RANBP2: variants seen among roughly 807,000 people sequenced by gnomAD.
The protein encoded by RANBP2 is RAN binding protein 2, also known as E3 SUMO-protein ligase RanBP2.
Under a neutral mutation model 303.6 loss-of-function variants are expected in RANBP2, and 57 were observed. The observed-to-expected ratio is 0.19, with a 90% confidence interval of 0.15 to 0.23. The LOEUF is 0.23. RANBP2 is among the 10% of genes least tolerant of loss of function. The pLI, the probability that RANBP2 is intolerant of heterozygous loss-of-function variation, is 1.00. For missense variants in RANBP2, 3,138 were observed against 3,780.8 expected (o/e 0.83, Z 4.46); for synonymous variants, 1,167 against 1,301.5 (o/e 0.90, Z 2.23).
chr2:109,056,331 T>C, the RANBP2 span, among the ~76,000 whole-genome samples: 2 of 152,122 alleles, frequency 1.3e-5, no homozygotes, highest in African/African-American at 2.4e-5. Flanking sequence ...CATGCCTCAC[T>C]AACTTTTGAA....
At chr2:109,606,671 GCTTTT>G in the RANBP2 span, among the ~76,000 whole-genome samples, 2 of 95,228 alleles carry the variant, frequency 2.1e-5, no homozygotes, top group African/African-American at 4.1e-5. Context: ...AAAATTTTAA[GCTTTT>G]TTTTTTTTTT....
the RANBP2 span, among the ~76,000 whole-genome samples, chr2:109,107,349 G>T: frequency 6.6e-6 from 1 of 152,114 alleles, no homozygotes; most frequent in Non-Finnish European, 1.5e-5. Flanking sequence ...TGAAACTGAG[G>T]AGAGTTGACA....
At chr2:109,278,732 C>T in the RANBP2 span, among the ~76,000 whole-genome samples, 1 of 152,318 alleles carries the variant, frequency 6.6e-6, no homozygotes, top group Non-Finnish European at 1.5e-5. Context: ...TGGTGAAAGG[C>T]AAGTCCCTAG....
the RANBP2 span, among the ~76,000 whole-genome samples, chr2:108,893,450 C>T: frequency 6.6e-6 from 1 of 152,206 alleles, no homozygotes; most frequent in African/African-American, 2.4e-5. Context: ...AATGTGAGAC[C>T]AGACCAGCCA....
the RANBP2 span, among the ~76,000 whole-genome samples, chr2:109,567,480 G>T: frequency 6.6e-6 from 1 of 152,154 alleles, no homozygotes; most frequent in African/African-American, 2.4e-5. Flanking sequence ...AGGCTGTAAA[G>T]TCTTCTCATG....
chr2:108,945,216 G>T, the RANBP2 span, among the ~76,000 whole-genome samples: 3 of 152,236 alleles, frequency 2.0e-5, no homozygotes, highest in East Asian at 5.8e-4. Context: ...TCCCCGTCCT[G>T]GGGCACTGTA....
chr2:109,153,828 A>G, the RANBP2 span, among the ~76,000 whole-genome samples: 1 of 152,178 alleles, frequency 6.6e-6, no homozygotes, highest in East Asian at 1.9e-4. Context: ...TTTCCTGCAG[A>G]CCTGCTTCCT....
At chr2:108,994,968 T>C in the RANBP2 span, among the ~76,000 whole-genome samples, 3 of 151,512 alleles carry the variant, frequency 2.0e-5, no homozygotes, top group African/African-American at 7.3e-5. Context: ...TAGCAGGGAC[T>C]ACAGGCGCCC....
chr2:109,095,762 C>T, the RANBP2 span, among the ~76,000 whole-genome samples: 1,203 of 152,196 alleles, frequency 7.9e-3, 11 homozygotes, highest in East Asian at 0.037. Context: ...TATGGTCACA[C>T]TAATTGAAAC....
chr2:108,804,174 T>C, the RANBP2 span, among the ~76,000 whole-genome samples: 1 of 152,166 alleles, frequency 6.6e-6, no homozygotes, highest in Admixed American at 6.5e-5. Flanking sequence ...AGGGAATTAA[T>C]TCAATTTTTT....
At chr2:109,039,312 G>A in the RANBP2 span, among the ~76,000 whole-genome samples, 1 of 152,048 alleles carries the variant, frequency 6.6e-6, no homozygotes, top group Non-Finnish European at 1.5e-5. Context: ...CATCCTATTG[G>A]TTCTGTTTCT....
chr2:109,042,833 G>C, the RANBP2 span, among the ~76,000 whole-genome samples: 1 of 151,918 alleles, frequency 6.6e-6, no homozygotes, highest in Non-Finnish European at 1.5e-5. Context: ...ACTATCCAAT[G>C]GTCTTATTCT....
At chr2:109,636,202 C>A in the RANBP2 span, among the ~76,000 whole-genome samples, 1 of 152,160 alleles carries the variant, frequency 6.6e-6, no homozygotes, top group Non-Finnish European at 1.5e-5. Context: ...TATAAGCCAC[C>A]AAGTCTGTGA....
the RANBP2 span, among the ~76,000 whole-genome samples, chr2:108,905,904 C>T: frequency 6.9e-6 from 1 of 145,936 alleles, no homozygotes; most frequent in Admixed American, 6.6e-5. Flanking sequence ...CGGGGATGCT[C>T]GAGGGCAGGG....
At chr2:108,860,935 C>CTTTTTGTTTTTTTTT in the RANBP2 span, among the ~76,000 whole-genome samples, 1 of 37,914 alleles carries the variant, frequency 2.6e-5, no homozygotes, top group Non-Finnish European at 4.4e-5. Flanking sequence ...TGGTCCAGGA[C>CTTTTTGTTTTTTTTT]TTTTTTTTTT....
At chr2:109,625,498 CAA>C in the RANBP2 span, among the ~76,000 whole-genome samples, 30,233 of 133,522 alleles carry the variant, frequency 0.23, 3,277 homozygotes, top group African/African-American at 0.25. Context: ...ACTAAAAATA[CAA>C]AAAAAAAAAA....
the RANBP2 span, chr2:109,128,852 C>T: frequency 4.4e-5 from 11 of 248,702 alleles, no homozygotes; most frequent in South Asian, 3.3e-4. Context: ...AGAGGTTCCC[C>T]GGAGCCCTGG....
At chr2:108,724,282 C>A (rs1249207902) in intron 1 of RANBP2, among the ~76,000 whole-genome samples, 2 of 152,154 alleles carry the variant, frequency 1.3e-5, no homozygotes, top group Non-Finnish European at 2.9e-5. Context: ...CCTGCCTCAG[C>A]CTCCTGAGTA....
chr2:109,567,626 T>C, the RANBP2 span, among the ~76,000 whole-genome samples: 1 of 152,318 alleles, frequency 6.6e-6, no homozygotes, highest in African/African-American at 2.4e-5. Flanking sequence ...TGCTTAAAAA[T>C]AAATTCTCCT....
Sources: allele counts gnomAD v4.1 joint callset (sites outside exome capture counted in the v4.1 genomes callset), GRCh38; gene constraint gnomAD v4.1.1; transcripts MANE v1.5; gene names NCBI Gene and HGNC (gene_info 2026-07-23, HGNC 2026-07-21).